The following CRB2 variants were observed in gnomAD, a reference collection of about 807,000 sequenced individuals.
CRB2 encodes protein crumbs homolog 2.
In CRB2, 85 loss-of-function variants were observed where a neutral mutation model predicts 110.9. That is an observed-to-expected ratio of 0.77 (90% confidence interval 0.64 to 0.92). The LOEUF is 0.92. CRB2 is among the 40% of genes least tolerant of loss of function. The probability of loss-of-function intolerance (pLI) is 0.00; values close to 1 mark genes in which losing one functional copy is unlikely to be tolerated. For missense variants in CRB2, 1,843 were observed against 1,851.3 expected (o/e 1.00, Z 0.08); for synonymous variants, 907 against 831.0 (o/e 1.09, Z -1.57).
intron 1 of CRB2, among the ~76,000 whole-genome samples, chr9:123,358,103 T>G (rs1458380726): frequency 6.6e-6 from 1 of 152,226 alleles, no homozygotes; most frequent in Non-Finnish European, 1.5e-5. Flanking sequence ...TGACCATTTC[T>G]GCATGCTGGT....
intron 6 of CRB2, 108 bp downstream of exon 6, chr9:123,367,794 G>A (rs1164653713): frequency 5.2e-6 from 4 of 772,674 alleles, no homozygotes; most frequent in South Asian, 3.4e-5. Flanking sequence ...AGATCAGGGA[G>A]GAGGTGGGTA....
At chr9:123,371,044 A>T (rs777408714) in intron 7 of CRB2, 26 bp from the exon 8 acceptor site, 1 of 1,602,916 alleles carries the variant, frequency 6.2e-7, no homozygotes, top group Non-Finnish European at 8.5e-7. Flanking sequence ...TGCAGGCCTC[A>T]CACCTGGCAC....
chr9:123,371,651 G>A, intron 8 of CRB2, 73 bp downstream of exon 8: 1 of 1,587,706 alleles, frequency 6.3e-7, no homozygotes, highest in South Asian at 1.1e-5. Flanking sequence ...TGTCACCGGG[G>A]CTTAGTGTGT....
intron 11 of CRB2, 110 bp from the exon 12 acceptor site, chr9:123,375,107 G>A (rs2042083087): frequency 6.6e-7 from 1 of 1,517,152 alleles, no homozygotes; most frequent in Admixed American, 1.8e-5. Context: ...TGGGGACAGT[G>A]GATGGATAAG....
downstream of CRB2, chr9:123,378,853 CACCCA>C (rs1189878839): frequency 9.8e-6 from 1 of 102,024 alleles, no homozygotes; most frequent in Non-Finnish European, 1.8e-5. Context: ...CTAGTTCTGT[CACCCA>C]GGCTGGAGTG....
chr9:123,364,997 C>T (rs1479680217), intron 2 of CRB2, among the ~76,000 whole-genome samples: 1 of 152,206 alleles, frequency 6.6e-6, no homozygotes, highest in African/African-American at 2.4e-5. Flanking sequence ...TGTGGTGGCT[C>T]ACGCCTGTAA....
At chr9:123,360,412 C>CG (rs1057424641) in intron 1 of CRB2, among the ~76,000 whole-genome samples, 9 of 152,184 alleles carry the variant, frequency 5.9e-5, no homozygotes, top group African/African-American at 2.2e-4. Context: ...CAGCCTGGCC[C>CG]GGGAAGGGGG....
chr9:123,372,328 C>T lies in CRB2; in HGVS notation c.2588C>T (p.Pro863Leu). 6.2e-7 allele frequency: 1 copy of T among 1,600,324 alleles called. No homozygotes were observed. The change falls in exon 9 of 13, where the codon CCT (proline) becomes CTT (leucine). Residue 863 changes from proline (P) to leucine (L), a missense_variant. Coordinates refer to ENST00000373631, the MANE Select transcript of CRB2 (RefSeq NM_173689.7). ...CLPPATCEEVPDGFVCVAEAT... is the reference protein window; with the variant it reads ...CLPPATCEEVLDGFVCVAEAT... ...CCACCTGCCACGTGTGAGGAGGTCC[C>T]TGATGGCTTTGTGTGTGAGTGTGTG...
In CRB2 at chr9:123,356,300, C is replaced by T. The variant is rs1292700584; in HGVS notation, c.40C>T (p.Leu14=). The change falls in exon 1 of 13, where the codon CTG becomes TTG. Residue 14 remains leucine (L), a synonymous_variant. Transcript: ENST00000373631. ...ARPGTPDPQA[L]ASVLLLLLWA... Reference sequence around the variant, plus strand: ...GCCTGGGACCCCGGACCCCCAGGCCCTGGCCTCTGTCCTGCTACTGCTGCT... The same window carrying T: ...GCCTGGGACCCCGGACCCCCAGGCCTTGGCCTCTGTCCTGCTACTGCTGCT... 1 of 1,545,712 alleles carries T rather than the reference C, an allele frequency of 6.5e-7. No homozygotes were observed. Among genetic ancestry groups the T allele is most frequent in the Non-Finnish European group, 8.7e-7 (1 of 1,145,626 alleles).
Position 123,356,234 on chromosome 9 carries a change from G to T in CRB2, c.-27G>T. ...AGGCCGCCCTCCCGTTCTCACAGCAGCCGAGCAGAGCGCAGAGCGGGCTGC... is the reference window on the plus strand; with the variant it reads ...AGGCCGCCCTCCCGTTCTCACAGCATCCGAGCAGAGCGCAGAGCGGGCTGC... On this transcript the variant is annotated 5_prime_UTR_variant, in exon 1 of 13. Coordinates refer to ENST00000373631, the MANE Select transcript of CRB2 (RefSeq NM_173689.7). 7.4e-7 allele frequency: 1 copy of T among 1,356,384 alleles called. No homozygotes were observed. The highest frequency in any genetic ancestry group is 9.5e-7 in the Non-Finnish European group (1 of 1,055,698). 84.0% of individuals were successfully genotyped at this position (1,356,384 alleles called of 1,614,324 possible).
intron 9 of CRB2, 57 bp from the exon 10 acceptor site, chr9:123,373,077 G>A: frequency 7.3e-7 from 1 of 1,371,752 alleles, no homozygotes; most frequent in Non-Finnish European, 9.6e-7. Context: ...AAGTGGGGAG[G>A]TGGCATTTCT....
intron 1 of CRB2, among the ~76,000 whole-genome samples, chr9:123,361,370 C>T (rs1039003751): frequency 6.6e-6 from 1 of 152,234 alleles, no homozygotes; most frequent in Admixed American, 6.5e-5. Context: ...CAGATACAAA[C>T]CAGGACTGCC....
Position 123,366,338 on chromosome 9 carries a change from C to G in CRB2, c.726C>G (p.Leu242=). 1 of 1,545,274 alleles carries G rather than the reference C, an allele frequency of 6.5e-7. No homozygotes were observed. Among genetic ancestry groups the G allele is most frequent in the Non-Finnish European group, 8.6e-7 (1 of 1,158,298 alleles). The change falls in exon 4 of 13, where the codon CTC becomes CTG. Residue 242 remains leucine, a synonymous_variant. Transcript: ENST00000373631. ...ACAACGCGTCCTGCCTCGAGGGCCTCGGGAGCTTCCGCTGCCTCTGTTGGC... is the reference window on the plus strand; with the variant it reads ...ACAACGCGTCCTGCCTCGAGGGCCTGGGGAGCTTCCGCTGCCTCTGTTGGC... ...CEHNASCLEG[L]GSFRCLCWPG...
intron 6 of CRB2, chr9:123,368,916 A>G: frequency 1.6e-6 from 2 of 1,260,754 alleles, no homozygotes; most frequent in Non-Finnish European, 2.1e-6. Flanking sequence ...GGCTCTGTGG[A>G]CCTTCCTGGG....
At chr9:123,370,085 C>T (rs746444086) in intron 6 of CRB2, 23 bp from the exon 7 acceptor site, 1 of 1,562,454 alleles carries the variant, frequency 6.4e-7, no homozygotes, top group Non-Finnish European at 8.7e-7. Context: ...CATTACTGAA[C>T]CTTGGCTTTG....
rs1325476118 is a variant in CRB2 at position 123,356,267 on chromosome 9, C to T, written c.7C>T (p.Leu3=). 19 of 1,522,158 alleles carry T rather than the reference C, an allele frequency of 1.2e-5. No individual in the cohort carries two copies. In the African/African-American group the frequency reaches 2.1e-4, roughly 17 times the overall value. The allele number at this position is 1,522,158 out of a possible 1,614,324, so 94.3% of individuals were successfully genotyped here. Residue 3 remains leucine (L), a synonymous_variant, in exon 1 of 13, where the codon CTG becomes TTG. Coordinates refer to ENST00000373631, the MANE Select transcript of CRB2 (RefSeq NM_173689.7). Reference sequence around the variant, plus strand: ...GAGCGCAGAGCGGGCTGCCATGGCGCTGGCCAGGCCTGGGACCCCGGACCC... The same window carrying T: ...GAGCGCAGAGCGGGCTGCCATGGCGTTGGCCAGGCCTGGGACCCCGGACCC... MA[L]ARPGTPDPQA... is the part of the protein sequence containing the mutation.
At chr9:123,365,807 C>T (rs2041922590) in intron 2 of CRB2, 110 bp from the exon 3 acceptor site, 1 of 995,494 alleles carries the variant, frequency 1.0e-6, no homozygotes, top group Non-Finnish European at 1.4e-6. Context: ...CCATCCGGCT[C>T]TGAATGAATG....
intron 2 of CRB2, among the ~76,000 whole-genome samples, chr9:123,365,209 G>A (rs545925849): frequency 6.6e-6 from 1 of 152,280 alleles, no homozygotes; most frequent in South Asian, 2.1e-4. Flanking sequence ...ATTGCAGTGG[G>A]CTAAGATTGC....
At chr9:123,374,440 A>G in intron 10 of CRB2, 139 bp from the exon 11 acceptor site, 1 of 666,026 alleles carries the variant, frequency 1.5e-6, no homozygotes, top group South Asian at 1.8e-5. Flanking sequence ...CCCATCAGGG[A>G]CCTCAATCCC....
Sources: allele counts gnomAD v4.1 joint callset (sites outside exome capture counted in the v4.1 genomes callset), GRCh38; gene constraint gnomAD v4.1.1; transcripts MANE v1.5; gene names NCBI Gene and HGNC (gene_info 2026-07-23, HGNC 2026-07-21).